The following TPO variants were observed in gnomAD, a reference collection of about 807,000 sequenced individuals.
TPO encodes thyroid microsomal antigen.
Under a neutral mutation model 96.9 loss-of-function variants are expected in TPO, and 78 were observed. The ratio of observed to expected loss-of-function variants is 0.81; its 90% CI spans 0.67 to 0.97. The LOEUF is 0.97. Among genes scored for constraint, TPO ranks in the 50% least tolerant of loss-of-function variants. The pLI is 0.00. For synonymous variants in TPO, 547 were observed against 538.0 expected, an observed-to-expected ratio of 1.02 and a Z score of -0.23; for missense variants, 1,252 against 1,274.8, an observed-to-expected ratio of 0.98 and a Z score of 0.27.
At chr2:1,516,367 C>T (rs1258516864) in intron 14 of TPO, among the ~76,000 whole-genome samples, 3 of 152,234 alleles carry the variant, frequency 2.0e-5, no homozygotes, top group African/African-American at 2.4e-5. Flanking sequence ...TCCAGCTCTG[C>T]AAGGTGCTGT....
At chr2:1,537,019 AACGTCCTCAAATACCCCCACTGTGTGC>A (rs1679854799) in intron 15 of TPO, among the ~76,000 whole-genome samples, 1 of 29,312 alleles carries the variant, frequency 3.4e-5, no homozygotes, top group Non-Finnish European at 5.5e-5. Flanking sequence ...CACTGTGTGC[AACGTCCTCAAATACCCCCACTGTGTGC>A]AACCTCCCCA....
At chr2:1,453,098 C>G (rs901871276) in intron 5 of TPO, among the ~76,000 whole-genome samples, 6 of 152,212 alleles carry the variant, frequency 3.9e-5, no homozygotes, top group Non-Finnish European at 8.8e-5. Flanking sequence ...CTCTCTCTCT[C>G]AGGAGAGACT....
chr2:1,509,249 G>C (rs114775011), intron 14 of TPO, among the ~76,000 whole-genome samples: 1,755 of 152,290 alleles, frequency 0.012, 33 homozygotes, highest in African/African-American at 0.04. Flanking sequence ...TGGTCGGAGA[G>C]ACGGTTTGTT....
chr2:1,427,535 G>A (rs1473472587), intron 3 of TPO, among the ~76,000 whole-genome samples: 1 of 152,192 alleles, frequency 6.6e-6, no homozygotes, highest in Non-Finnish European at 1.5e-5. Flanking sequence ...AGGGCAGTGT[G>A]CTTTTCTCCC....
At chr2:1,425,496 G>A (rs11688703) in intron 3 of TPO, among the ~76,000 whole-genome samples, 3,075 of 149,092 alleles carry the variant, frequency 0.021, 59 homozygotes, top group African/African-American at 0.066. Context: ...TCAGAAGTCC[G>A]TACTCCTTCT....
At chr2:1,494,064 C>T (rs1294993326) in intron 11 of TPO, 25 bp downstream of exon 11, 3 of 1,607,058 alleles carry the variant, frequency 1.9e-6, no homozygotes, top group Non-Finnish European at 2.6e-6. Flanking sequence ...AGAGCGTCTT[C>T]CTTCACGTTC....
At chr2:1,426,318 GA>G (rs1471650342) in intron 3 of TPO, among the ~76,000 whole-genome samples, 1 of 148,952 alleles carries the variant, frequency 6.7e-6, no homozygotes, top group East Asian at 2.0e-4. Context: ...CCAGGATACA[GA>G]GATGAGTTCG....
intron 1 of TPO, among the ~76,000 whole-genome samples, chr2:1,405,050 A>T (rs994630846): frequency 1.8e-5 from 1 of 55,906 alleles, no homozygotes; most frequent in Non-Finnish European, 3.8e-5. Flanking sequence ...CATGCATCCC[A>T]CCCACCCACC....
At chr2:1,517,748 A>G (rs1674853537) in intron 15 of TPO, among the ~76,000 whole-genome samples, 1 of 149,550 alleles carries the variant, frequency 6.7e-6, no homozygotes, top group Non-Finnish European at 1.5e-5. Context: ...GCTGCTCTTG[A>G]GCACCAAACT....
intron 15 of TPO, among the ~76,000 whole-genome samples, chr2:1,523,101 T>C (rs1675543158): frequency 1.0e-5 from 1 of 96,786 alleles, no homozygotes; most frequent in African/African-American, 4.1e-5. Context: ...CCCCAAATCC[T>C]GCGCACTCTG....
At chr2:1,540,138 TC>T (rs1399657800) in intron 15 of TPO, among the ~76,000 whole-genome samples, 1 of 151,970 alleles carries the variant, frequency 6.6e-6, no homozygotes, top group African/African-American at 2.4e-5. Flanking sequence ...CGGCGCTTCC[TC>T]CCCCTCATCT....
intron 8 of TPO, chr2:1,477,812 GCTC>G: frequency 1.0e-6 from 1 of 985,446 alleles, no homozygotes. Context: ...GTCATCGTGA[GCTC>G]CTGTGCAGGG....
In TPO at chr2:1,426,418, A is replaced by G. The variant is rs367712286; in HGVS notation, c.179+3289A>G. 1.5e-4 allele frequency among the ~76,000 whole-genome samples: 23 copies of G among 152,294 alleles called. No homozygotes were observed. The South Asian group carries it at 3.1e-3, about 21-fold the overall frequency. ...ACAGAGATGAGTTTGATCATTTCAT[A>G]TCCTCAGAAGTCCATGCTTCTTCTG... On this transcript the variant is annotated intron_variant, in intron 3 of 16. Transcript: ENST00000329066.
chr2:1,413,352 G>A (rs979214094), upstream of TPO: 1 of 152,114 alleles, frequency 6.6e-6, no homozygotes, highest in Non-Finnish European at 1.5e-5. Context: ...ACACAACAAA[G>A]CCCGCAGACA....
At chr2:1,459,830 G>T (rs1668238453) in intron 7 of TPO, among the ~76,000 whole-genome samples, 1 of 152,198 alleles carries the variant, frequency 6.6e-6, no homozygotes, top group African/African-American at 2.4e-5. Flanking sequence ...ACACGCTGGG[G>T]CTCAGACCCT....
chr2:1,537,564 CAACT>C (rs1397130065), intron 15 of TPO, among the ~76,000 whole-genome samples: 1 of 97,806 alleles, frequency 1.0e-5, no homozygotes, highest in African/African-American at 4.1e-5. Context: ...TGAAATCCCC[CAACT>C]GTGTTCAACA....
At chr2:1,435,914 C>T (rs1456704450) in intron 4 of TPO, among the ~76,000 whole-genome samples, 1 of 152,118 alleles carries the variant, frequency 6.6e-6, no homozygotes, top group Non-Finnish European at 1.5e-5. Flanking sequence ...TGAATGAGCC[C>T]TGGAGATGTG....
chr2:1,470,598 C>A (rs1206626692), intron 7 of TPO, among the ~76,000 whole-genome samples: 1 of 151,228 alleles, frequency 6.6e-6, no homozygotes, highest in African/African-American at 2.4e-5. Context: ...TGATATACAA[C>A]TTTGTTTTAT....
At chr2:1,433,713 A>G in intron 4 of TPO, 106 bp downstream of exon 4, 1 of 1,339,868 alleles carries the variant, frequency 7.5e-7, no homozygotes, top group Non-Finnish European at 1.0e-6. Flanking sequence ...ACTTGAGACC[A>G]AGCAGGATGG....
Sources: gnomAD v4.1 joint callset for allele counts (sites outside exome capture counted in the v4.1 genomes callset) on GRCh38, gnomAD v4.1.1 for gene constraint, MANE v1.5 for transcripts, NCBI Gene and HGNC (gene_info 2026-07-23, HGNC 2026-07-21) for gene names.